EXOC7: variants seen among roughly 807,000 people sequenced by gnomAD.
EXOC7 encodes exocyst complex component 7.
A neutral mutation model predicts 87.6 loss-of-function variants in EXOC7; 51 were observed. The ratio of observed to expected loss-of-function variants is 0.58; its 90% CI spans 0.46 to 0.73. The LOEUF is 0.73. EXOC7 is among the 30% of genes least tolerant of loss of function. EXOC7 has a pLI of 0.00. For synonymous variants in EXOC7, 327 were observed against 357.1 expected, an observed-to-expected ratio of 0.92 and a Z score of 0.95; for missense variants, 744 against 888.4, an observed-to-expected ratio of 0.84 and a Z score of 2.07.
chr17:76,100,485 A>T (rs1335169522), intron 4 of EXOC7, among the ~76,000 whole-genome samples: 1 of 151,902 alleles, frequency 6.6e-6, no homozygotes, highest in Non-Finnish European at 1.5e-5. Context: ...AAAAAAAAAA[A>T]AATTAGCCGA....
chr17:76,085,497 T>C (rs1375619384), intron 14 of EXOC7, 88 bp from the exon 15 acceptor site: 1 of 1,505,900 alleles, frequency 6.6e-7, no homozygotes, highest in African/African-American at 1.4e-5. Context: ...GGCCTCCCAT[T>C]GCACCCCAAA....
chr17:76,101,851 A>G lies in EXOC7; in HGVS notation c.139T>C (p.Ser47Pro), dbSNP rs1396883884. ...TTCATAAGGCGGCTCTCAAAGGATG[A>G]TAAGATAGACACCTGCGGGAGGGAA... ...QLTKNMVSIL[S>P]SFESRLMKLE... The change falls in exon 3 of 19, where the codon TCA becomes CCA. Residue 47 changes from serine to proline, a missense_variant. Ser to Pro is a moderately conservative substitution (Grantham distance 74, BLOSUM62 -1). Transcript: ENST00000589210. 2 of 1,612,956 alleles carry G rather than the reference A, an allele frequency of 1.2e-6. No individual in the cohort carries two copies. Among genetic ancestry groups the G allele is most frequent in the Non-Finnish European group, 1.7e-6 (2 of 1,179,508 alleles).
rs73361899 is a variant in EXOC7, at chr17:76,098,973, A to G, written c.418-955T>C. 5.8e-3 allele frequency among the ~76,000 whole-genome samples: 886 copies of G among 152,312 alleles called. 7 individuals are homozygous for G. The highest frequency in any genetic ancestry group is 0.02 in the African/African-American group (834 of 41,564). On this transcript the variant is annotated intron_variant, in intron 4 of 18. Coordinates refer to ENST00000589210, the MANE Select transcript of EXOC7 (RefSeq NM_001013839.4). ...AAGAAAATAAATAAATAAATTGAAC[A>G]ATATCAAGTTGAAAACTTTTGTGCT...
At chr17:76,084,346 C>G in intron 16 of EXOC7, 57 bp from the exon 17 acceptor site, 1 of 1,610,950 alleles carries the variant, frequency 6.2e-7, no homozygotes, top group Non-Finnish European at 8.5e-7. Context: ...GCAGCCTTCC[C>G]CCACTCTTCC....
chr17:76,081,454 G>A lies in EXOC7; in HGVS notation c.*2194C>T, dbSNP rs1220361461. On this transcript the variant is annotated 3_prime_UTR_variant, in exon 19 of 19. Transcript: ENST00000589210. ...AGAGGGCTGCTGGAGGCGGGTGGGA[G>A]TGAGGATGCACGGCCAGAGGCCAGG... is the stretch of plus-strand genomic sequence containing the variant. The A allele has an allele frequency of 8.1e-6, 13 of 1,611,826 alleles. No individual in the cohort carries two copies. The highest frequency in any genetic ancestry group is 1.0e-5 in the Non-Finnish European group (12 of 1,179,192).
intron 5 of EXOC7, 43 bp from the exon 6 acceptor site, chr17:76,094,624 G>A (rs1346458061): frequency 3.8e-6 from 6 of 1,577,604 alleles, no homozygotes; most frequent in Non-Finnish European, 5.2e-6. Flanking sequence ...GCCAGGCCCT[G>A]TCTCTGCCTT....
In EXOC7 at chr17:76,097,784, A is replaced by G. The variant is rs537806570; in HGVS notation, c.640+12T>C. 2.6e-5 allele frequency: 41 copies of G among 1,599,224 alleles called. No homozygotes were observed. The East Asian group carries it at 9.1e-4, about 35-fold the overall frequency. ...CTCTGGTGTGTCATGTGGCCAAGCCAGAATCCCTTACCTTGGTTGCGGCCA... is the reference window on the plus strand; with the variant it reads ...CTCTGGTGTGTCATGTGGCCAAGCCGGAATCCCTTACCTTGGTTGCGGCCA... On this transcript the variant is annotated intron_variant, in intron 5 of 18. Coordinates refer to ENST00000589210, the MANE Select transcript of EXOC7 (RefSeq NM_001013839.4).
At chr17:76,101,582 T>C (rs2068063788) in intron 3 of EXOC7, 97 bp downstream of exon 3, 1 of 1,453,786 alleles carries the variant, frequency 6.9e-7, no homozygotes, top group Non-Finnish European at 9.4e-7. Flanking sequence ...CAAGCGATCC[T>C]CCCACCTCAG....
In EXOC7 at chr17:76,103,706, G is replaced by A; in HGVS notation, c.-14C>T. ...TGGGGGAATCATCGCTCTGAACCCCGCGGCTCCCACTCCCCAGTATCTTTC... is the reference window on the plus strand; with the variant it reads ...TGGGGGAATCATCGCTCTGAACCCCACGGCTCCCACTCCCCAGTATCTTTC... On this transcript the variant is annotated 5_prime_UTR_variant, in exon 1 of 19. Transcript: ENST00000589210. The A allele has an allele frequency of 6.2e-7, 1 of 1,600,598 alleles. No homozygotes were observed. The highest frequency in any genetic ancestry group is 8.5e-7 in the Non-Finnish European group (1 of 1,174,194).
chr17:76,092,146 C>T (rs1479262600), intron 6 of EXOC7, among the ~76,000 whole-genome samples: 1 of 152,144 alleles, frequency 6.6e-6, no homozygotes, highest in African/African-American at 2.4e-5. Flanking sequence ...CCCGGGATGC[C>T]TCCCACCCCC....
chr17:76,083,051 G>A lies in EXOC7; in HGVS notation c.*597C>T, dbSNP rs79990374. ...GAGGGTGGGGCGGAACTCCTCCTCC[G>A]AACGCCTCCTGCAGTGTGCTGGACT... On this transcript the variant is annotated 3_prime_UTR_variant, in exon 19 of 19. Transcript: ENST00000589210. The A allele has an allele frequency of 3.6e-4, 64 of 179,032 alleles. No individual in the cohort carries two copies. In the East Asian group the frequency reaches 8.7e-3, roughly 24 times the overall value. 11.1% of individuals were successfully genotyped at this position (179,032 alleles called of 1,614,324 possible).
At chr17:76,087,624 G>A in intron 12 of EXOC7, 30 bp downstream of exon 12, 1 of 1,548,474 alleles carries the variant, frequency 6.5e-7, no homozygotes, top group Non-Finnish European at 8.7e-7. Flanking sequence ...GGCGAGTGGG[G>A]CAGGGGGCCC....
Position 76,103,704 on chromosome 17 carries a change from C to G in EXOC7, c.-12G>C. 1.9e-6 allele frequency: 3 copies of G among 1,601,752 alleles called. No individual in the cohort carries two copies. Among genetic ancestry groups the G allele is most frequent in the Non-Finnish European group, 2.6e-6 (3 of 1,174,710 alleles). Reference sequence around the variant, plus strand: ...TGTGGGGGAATCATCGCTCTGAACCCCGCGGCTCCCACTCCCCAGTATCTT... The same window carrying G: ...TGTGGGGGAATCATCGCTCTGAACCGCGCGGCTCCCACTCCCCAGTATCTT... On this transcript the variant is annotated 5_prime_UTR_variant, in exon 1 of 19. Coordinates refer to ENST00000589210, the MANE Select transcript of EXOC7 (RefSeq NM_001013839.4).
chr17:76,084,765 G>T (rs556883202), intron 15 of EXOC7, 185 bp from the exon 16 acceptor site: 126 of 603,672 alleles, frequency 2.1e-4, no homozygotes, highest in African/African-American at 2.0e-3. Flanking sequence ...CACTTTTTGA[G>T]ATAACATTAG....
intron 13 of EXOC7, 92 bp downstream of exon 13, chr17:76,085,988 C>A: frequency 6.5e-7 from 1 of 1,536,240 alleles, no homozygotes; most frequent in Non-Finnish European, 8.9e-7. Context: ...TAGGAGAGGG[C>A]CCTGGGAATA....
chr17:76,090,758 G>A, intron 7 of EXOC7: 2 of 544,712 alleles, frequency 3.7e-6, no homozygotes, highest in Non-Finnish European at 3.3e-6. Context: ...CCTGTCCTCT[G>A]CTGCACACAC....
chr17:76,087,226 GCT>G, intron 12 of EXOC7: 1 of 386,196 alleles, frequency 2.6e-6, no homozygotes, highest in Non-Finnish European at 4.8e-6. Flanking sequence ...AACCCCCTGA[GCT>G]CCAGTCCCAG....
Position 76,101,784 on chromosome 17 carries a change from T to C in EXOC7, c.206A>G (p.Asn69Ser), listed in dbSNP as rs755716435. 102 of 1,613,994 alleles carry C rather than the reference T, an allele frequency of 6.3e-5. No individual in the cohort carries two copies. The highest frequency in any genetic ancestry group is 1.6e-4 in the Middle Eastern group (1 of 6,082). The change falls in exon 3 of 19, where the codon AAT becomes AGT. Residue 69 changes from asparagine (N) to serine (S), a missense_variant. Asn to Ser is a conservative substitution (Grantham distance 46). Transcript: ENST00000589210. ...SIIPVHKQTENLQRLQENVEK... is the reference protein window; with the variant it reads ...SIIPVHKQTESLQRLQENVEK... The stretch of plus-strand genomic sequence containing the variant: ...AACATTCTCCTGCAGCCGCTGCAGA[T>C]TCTCCGTCTGCTTGTGCACAGGGAT...
At chr17:76,088,372 C>T (rs1380768477) in intron 10 of EXOC7, 92 bp downstream of exon 10, 3 of 1,316,532 alleles carry the variant, frequency 2.3e-6, no homozygotes, top group Non-Finnish European at 3.2e-6. Flanking sequence ...GGACAACGCA[C>T]CCTCTTGGAG....
Sources: allele counts gnomAD v4.1 joint callset (sites outside exome capture counted in the v4.1 genomes callset), GRCh38; gene constraint gnomAD v4.1.1; transcripts MANE v1.5; gene names NCBI Gene and HGNC (gene_info 2026-07-23, HGNC 2026-07-21).